Variants in ICE1 observed in about 807,000 individuals in gnomAD.
ICE1 encodes the protein little elongation complex subunit 1.
In ICE1, 64 loss-of-function variants were observed where a neutral mutation model predicts 192.7. The ratio of observed to expected loss-of-function variants is 0.33; its 90% CI spans 0.27 to 0.41. ICE1 has a LOEUF of 0.41. Ranked by LOEUF, ICE1 falls within the 10% of genes least tolerant of loss-of-function variation. The pLI is 1.00. For synonymous variants in ICE1, 1,010 were observed against 984.5 expected (o/e 1.03, Z -0.49); for missense variants, 2,708 against 2,696.0 (o/e 1.00, Z -0.10).
At chr5:5,473,198 A>G (rs1739214304) in intron 15 of ICE1, among the ~76,000 whole-genome samples, 1 of 152,256 alleles carries the variant, frequency 6.6e-6, no homozygotes, top group African/African-American at 2.4e-5. Flanking sequence ...CAGAAAAATA[A>G]TAGAATTTAA....
At chr5:5,432,183 C>T (rs1026825307) in intron 1 of ICE1, among the ~76,000 whole-genome samples, 2 of 152,216 alleles carry the variant, frequency 1.3e-5, no homozygotes, top group African/African-American at 2.4e-5. Context: ...ATACTAGTTA[C>T]TAGTCATTTC....
chr5:5,459,947 G>A (rs1288062473), intron 12 of ICE1, among the ~76,000 whole-genome samples: 2 of 152,130 alleles, frequency 1.3e-5, no homozygotes, highest in East Asian at 3.9e-4. Flanking sequence ...GGACATGTTG[G>A]GGAGGAGATA....
At chr5:5,451,346 G>GT (rs1738410715) in intron 10 of ICE1, among the ~76,000 whole-genome samples, 1 of 152,090 alleles carries the variant, frequency 6.6e-6, no homozygotes, top group Admixed American at 6.5e-5. Flanking sequence ...AGAATGAAGT[G>GT]TTTAACTGAA....
chr5:5,423,816 C>G (rs1243942279), intron 1 of ICE1, among the ~76,000 whole-genome samples: 5 of 152,170 alleles, frequency 3.3e-5, no homozygotes, highest in Non-Finnish European at 5.9e-5. Flanking sequence ...CCTACTCTGC[C>G]TAGTGTTCTA....
Position 5,464,065 on chromosome 5 carries a change from A to C in ICE1, c.4731A>C (p.Glu1577Asp), listed in dbSNP as rs746951124. ...PVKTSASSRVETHQSEVAQSF... is the reference protein window; with the variant it reads ...PVKTSASSRVDTHQSEVAQSF... ...AAACTTCAGCGTCGAGCAGAGTTGAAACTCATCAGAGTGAAGTTGCTCAGT... is the reference window on the plus strand; with the variant it reads ...AAACTTCAGCGTCGAGCAGAGTTGACACTCATCAGAGTGAAGTTGCTCAGT... The change falls in exon 13 of 19, where the codon GAA (glutamate) becomes GAC (aspartate). Residue 1577 changes from glutamate to aspartate, a missense_variant. Glu to Asp is a conservative substitution (Grantham distance 45). This residue lies in a region of ICE1 where 2,366 missense variants were observed against 2,276.6 expected (regional missense o/e 1.04). Coordinates refer to ENST00000296564, the MANE Select transcript of ICE1 (RefSeq NM_015325.3). The surrounding 1 kb of genome is among the most constrained non-coding windows in gnomAD (Gnocchi z 4.0). The C allele has an allele frequency of 4.3e-6, 7 of 1,613,728 alleles. No homozygotes were observed. The highest frequency in any genetic ancestry group is 5.9e-6 in the Non-Finnish European group (7 of 1,179,882).
At chr5:5,447,996 CT>C in intron 10 of ICE1, 99 bp downstream of exon 10, 1 of 855,708 alleles carries the variant, frequency 1.2e-6, no homozygotes, top group Non-Finnish European at 1.8e-6. Flanking sequence ...AGTGCCAGGG[CT>C]TAGTAGATGT....
chr5:5,481,694 A>G (rs192189319), intron 17 of ICE1, among the ~76,000 whole-genome samples: 1 of 152,378 alleles, frequency 6.6e-6, no homozygotes, highest in African/African-American at 2.4e-5. Flanking sequence ...CCACATAACA[A>G]TGTTTTCATC....
intron 7 of ICE1, among the ~76,000 whole-genome samples, chr5:5,447,106 G>A (rs1738247902): frequency 6.6e-6 from 1 of 152,180 alleles, no homozygotes; most frequent in African/African-American, 2.4e-5. Context: ...AAGGTTGCCA[G>A]TGATTGAAAT....
intron 3 of ICE1, 72 bp downstream of exon 3, chr5:5,437,186 A>G (rs1737893540): frequency 2.5e-6 from 3 of 1,221,604 alleles, no homozygotes; most frequent in South Asian, 1.3e-5. Flanking sequence ...GAGATGTGAG[A>G]ATTGTTCCTC....
chr5:5,464,267 A>G lies in ICE1; in HGVS notation c.4933A>G (p.Arg1645Gly). ...LLAPLIATPP[R>G]TSQPLSPLIS... Reference sequence around the variant, plus strand: ...TGCTCCTCTGATAGCTACACCTCCAAGGACTTCACAGCCACTGTCTCCACT... The same window carrying G: ...TGCTCCTCTGATAGCTACACCTCCAGGGACTTCACAGCCACTGTCTCCACT... Residue 1645 changes from arginine to glycine, a missense_variant, in exon 13 of 19, where the codon AGG becomes GGG. Physicochemically the swap from Arg to Gly is moderately radical, Grantham distance 125. Transcript: ENST00000296564. This position sits in a 1 kb window ranked among gnomAD's most constrained non-coding sequence, Gnocchi z 4.0. 4 of 1,613,520 alleles carry G rather than the reference A, an allele frequency of 2.5e-6. No homozygotes were observed. Among genetic ancestry groups the G allele is most frequent in the South Asian group, 1.1e-5 (1 of 91,050 alleles).
chr5:5,425,798 A>G (rs1017067332), intron 1 of ICE1, among the ~76,000 whole-genome samples: 1 of 152,184 alleles, frequency 6.6e-6, no homozygotes, highest in African/African-American at 2.4e-5. Flanking sequence ...GGTATGGTAA[A>G]TTATTTTACT....
rs772435186 is a variant in ICE1, at chr5:5,464,202, A to C, written c.4868A>C (p.Lys1623Thr). ...GATTGTTCTCCTGACACACTGAGTA[A>C]AATACGGCAAGAGGTGGGGCCTCCT... ...PTDCSPDTLS[K>T]IRQEVGPPLP... The change falls in exon 13 of 19, where the codon AAA (lysine) becomes ACA (threonine). Residue 1623 changes from lysine to threonine, a missense_variant. By Grantham distance (78) the Lys-to-Thr change is moderately conservative (BLOSUM62 -1). Transcript: ENST00000296564. The surrounding 1 kb of genome is among the most constrained non-coding windows in gnomAD (Gnocchi z 4.0). 15 of 1,613,668 alleles carry C rather than the reference A, an allele frequency of 9.3e-6. 2 individuals are homozygous for C. The South Asian group carries it at 1.4e-4, about 15-fold the overall frequency.
chr5:5,443,224 A>G lies in ICE1; in HGVS notation c.366A>G (p.Glu122=), dbSNP rs1259964083. ...AGGAATATGCTCGTGTAAAGGAAGA[A>G]TGCTTGAAGAGTGATGCTCAGTAAG... ...THQEYARVKE[E]CLKSDAQKKK... The change falls in exon 6 of 19, where the codon GAA becomes GAG. Residue 122 remains glutamate (E), a synonymous_variant. Coordinates refer to ENST00000296564, the MANE Select transcript of ICE1 (RefSeq NM_015325.3). 1.3e-6 allele frequency: 2 copies of G among 1,508,506 alleles called. No homozygotes were observed. The highest frequency in any genetic ancestry group is 1.7e-4 in the Middle Eastern group (1 of 5,888). 93.4% of individuals were successfully genotyped at this position (1,508,506 alleles called of 1,614,324 possible).
In ICE1 at chr5:5,463,226, A is replaced by G. The variant is rs1481724438; in HGVS notation, c.3892A>G (p.Asn1298Asp). 9 of 1,611,806 alleles carry G rather than the reference A, an allele frequency of 5.6e-6. No homozygotes were observed. Among genetic ancestry groups the G allele is most frequent in the Non-Finnish European group, 7.6e-6 (9 of 1,179,244 alleles). Residue 1298 changes from asparagine (N) to aspartate (D), a missense_variant, in exon 13 of 19, where the codon AAT (asparagine) becomes GAT (aspartate). Physicochemically the swap from Asn to Asp is conservative, Grantham distance 23. Transcript: ENST00000296564. ...LNVNNNMTTE[N>D]LKEKSPFRET... ...TGTAAATAACAACATGACCACTGAG[A>G]ATTTAAAAGAGAAAAGTCCATTTCG...
At chr5:5,484,998 G>C (rs1323050900) in intron 17 of ICE1, among the ~76,000 whole-genome samples, 2 of 152,106 alleles carry the variant, frequency 1.3e-5, no homozygotes, top group Non-Finnish European at 2.9e-5. Flanking sequence ...ATCCATAGGA[G>C]AGCTCCTGGA....
intron 15 of ICE1, among the ~76,000 whole-genome samples, chr5:5,471,758 G>T (rs1048199703): frequency 1.3e-5 from 2 of 152,124 alleles, no homozygotes; most frequent in South Asian, 4.1e-4. Context: ...ATTGTCTTCA[G>T]TGTAAATTTT....
At chr5:5,428,759 C>G (rs1737608142) in intron 1 of ICE1, among the ~76,000 whole-genome samples, 1 of 152,180 alleles carries the variant, frequency 6.6e-6, no homozygotes, top group South Asian at 2.1e-4. Flanking sequence ...CTTTCTTACT[C>G]AAAGTCATGT....
chr5:5,468,997 T>C lies in ICE1; in HGVS notation c.6222+9T>C, dbSNP rs374149852. ...TTCTTAATTGGGAAAAGGTGAGCCA[T>C]ATTTCTGTTTCTTACAGTATCTTAC... On this transcript the variant is annotated intron_variant, in intron 15 of 18. Transcript: ENST00000296564. 4.5e-5 allele frequency: 68 copies of C among 1,496,006 alleles called. No individual in the cohort carries two copies. The highest frequency in any genetic ancestry group is 5.7e-5 in the Non-Finnish European group (64 of 1,125,426). 92.7% of individuals were successfully genotyped at this position (1,496,006 alleles called of 1,614,324 possible).
intron 14 of ICE1, 57 bp from the exon 15 acceptor site, chr5:5,468,771 C>A: frequency 9.3e-7 from 1 of 1,075,720 alleles, no homozygotes; most frequent in Non-Finnish European, 1.3e-6. Context: ...TCTTAATTTG[C>A]AATTTATTTA....
Sources: gnomAD v4.1 joint callset for allele counts (sites outside exome capture counted in the v4.1 genomes callset) on GRCh38, gnomAD v4.1.1 for gene constraint, gnomAD v4.1.1 regional missense constraint, Gnocchi (gnomAD v3.1) non-coding constraint, MANE v1.5 for transcripts, NCBI Gene and HGNC (gene_info 2026-07-23, HGNC 2026-07-21) for gene names.